CERS3: variants seen among roughly 807,000 people sequenced by gnomAD.
CERS3 encodes ceramide synthase 3.
In CERS3, 33 loss-of-function variants were observed where a neutral mutation model predicts 50.3. The ratio of observed to expected loss-of-function variants is 0.66; its 90% CI spans 0.50 to 0.88. CERS3 has a LOEUF of 0.88. Ranked by LOEUF, CERS3 falls within the 40% of genes least tolerant of loss-of-function variation. The pLI is 0.00. For missense variants in CERS3, 470 were observed against 460.3 expected, an observed-to-expected ratio of 1.02 and a Z score of -0.19; for synonymous variants, 176 against 155.2, an observed-to-expected ratio of 1.13 and a Z score of -0.99.
chr15:100,537,423 C>A (rs1158972163), intron 1 of CERS3, among the ~76,000 whole-genome samples: 1 of 152,194 alleles, frequency 6.6e-6, no homozygotes, highest in African/African-American at 2.4e-5. Context: ...CTATAAAGAA[C>A]TGCTTGAGAC....
chr15:100,488,908 C>G (rs1448824814), intron 4 of CERS3, among the ~76,000 whole-genome samples: 1 of 152,018 alleles, frequency 6.6e-6, no homozygotes, highest in Non-Finnish European at 1.5e-5. Flanking sequence ...TCCCAAGTAG[C>G]TGGGATTACA....
At chr15:100,444,505 G>C (rs1025163085) in intron 11 of CERS3, among the ~76,000 whole-genome samples, 49 of 151,070 alleles carry the variant, frequency 3.2e-4, no homozygotes, top group Non-Finnish European at 4.9e-4. Flanking sequence ...TCCACCAGGC[G>C]TAATCGCCAC....
At chr15:100,428,935 C>G (rs2654608) in intron 11 of CERS3, among the ~76,000 whole-genome samples, 7 of 152,052 alleles carry the variant, frequency 4.6e-5, no homozygotes, top group Non-Finnish European at 1.0e-4. Flanking sequence ...TGGAATAAAC[C>G]TTTCAAGAAG....
chr15:100,435,611 G>A (rs2654601), intron 11 of CERS3, among the ~76,000 whole-genome samples: 61,458 of 151,980 alleles, frequency 0.4, 12,744 homozygotes, highest in East Asian at 0.54. Context: ...ACAAAAGCCA[G>A]AATTGACAAA....
chr15:100,410,453 C>A (rs2031394216), intron 11 of CERS3, among the ~76,000 whole-genome samples: 1 of 152,146 alleles, frequency 6.6e-6, no homozygotes, highest in Non-Finnish European at 1.5e-5. Context: ...AAACTGAAAA[C>A]CCTGAAATTA....
At chr15:100,426,731 C>T (rs2032835147) in intron 11 of CERS3, among the ~76,000 whole-genome samples, 1 of 152,196 alleles carries the variant, frequency 6.6e-6, no homozygotes, top group Admixed American at 6.5e-5. Flanking sequence ...AGGCTTCAAA[C>T]TCAAAAACTC....
chr15:100,518,361 A>G (rs1268218951), intron 2 of CERS3, among the ~76,000 whole-genome samples: 1 of 152,042 alleles, frequency 6.6e-6, no homozygotes, highest in Non-Finnish European at 1.5e-5. Flanking sequence ...GAGAGAGAGC[A>G]TGGCTCATAC....
chr15:100,503,916 A>G (rs966252873), intron 2 of CERS3: 4 of 363,922 alleles, frequency 1.1e-5, no homozygotes, highest in Non-Finnish European at 2.2e-5. Flanking sequence ...TGGGGAAGAA[A>G]GAAAACTCAA....
chr15:100,479,208 G>A (rs2142263957), intron 7 of CERS3, among the ~76,000 whole-genome samples: 1 of 151,924 alleles, frequency 6.6e-6, no homozygotes, highest in African/African-American at 2.4e-5. Context: ...ATAGTAAGAT[G>A]GTAGATTTAA....
intron 11 of CERS3, among the ~76,000 whole-genome samples, chr15:100,405,097 C>T (rs2030885658): frequency 6.6e-6 from 1 of 151,974 alleles, no homozygotes; most frequent in South Asian, 2.1e-4. Flanking sequence ...AACTGGAATT[C>T]ATCAAAATTA....
intron 11 of CERS3, among the ~76,000 whole-genome samples, chr15:100,417,236 G>A (rs796540074): frequency 2.0e-5 from 3 of 151,848 alleles, no homozygotes; most frequent in East Asian, 2.0e-4. Context: ...CACCGTGCGT[G>A]AGCCGAAGCA....
intron 11 of CERS3, among the ~76,000 whole-genome samples, chr15:100,436,768 A>G (rs990534797): frequency 6.6e-6 from 1 of 152,130 alleles, no homozygotes; most frequent in Non-Finnish European, 1.5e-5. Context: ...AAAAAAAGAG[A>G]TTGTTTTACT....
rs374683439 is a variant in CERS3, at chr15:100,494,071, T to A, written c.174-3140A>T. 5.9e-5 allele frequency among the ~76,000 whole-genome samples: 9 copies of A among 151,714 alleles called. No individual in the cohort carries two copies. In the East Asian group the frequency reaches 9.7e-4, roughly 16 times the overall value. On this transcript the variant is annotated intron_variant, in intron 3 of 11. Coordinates refer to ENST00000679737, the MANE Select transcript of CERS3 (RefSeq NM_001378789.1). Reference sequence around the variant, plus strand: ...ATTTTTTGTTTCTTTCCATGTCTCATAAGTTTTTGTTGAAAATTGGACATG... The same window carrying A: ...ATTTTTTGTTTCTTTCCATGTCTCAAAAGTTTTTGTTGAAAATTGGACATG...
At chr15:100,432,026 G>T (rs1289234592) in intron 11 of CERS3, among the ~76,000 whole-genome samples, 1 of 151,908 alleles carries the variant, frequency 6.6e-6, no homozygotes, top group Admixed American at 6.6e-5. Flanking sequence ...TTCATGAGCT[G>T]CCTTGTATAG....
chr15:100,482,196 A>T (rs2035324698), intron 5 of CERS3, among the ~76,000 whole-genome samples: 2 of 152,242 alleles, frequency 1.3e-5, no homozygotes, highest in South Asian at 2.1e-4. Flanking sequence ...GTTTCACCTA[A>T]GAGTAAAACT....
intron 11 of CERS3, among the ~76,000 whole-genome samples, chr15:100,405,131 A>G (rs972578554): frequency 1.3e-5 from 2 of 152,124 alleles, no homozygotes; most frequent in Non-Finnish European, 2.9e-5. Context: ...TAAGACAGAC[A>G]CTATTCAGAG....
intron 2 of CERS3, among the ~76,000 whole-genome samples, chr15:100,502,267 A>AAAAAAAAAAAAAAAG (rs2036033219): frequency 1.4e-3 from 155 of 109,244 alleles, no homozygotes; most frequent in Non-Finnish European, 1.9e-3. Flanking sequence ...AAAAAAAAAA[A>AAAAAAAAAAAAAAAG]AAAGAAAGAA....
intron 10 of CERS3, among the ~76,000 whole-genome samples, chr15:100,467,854 GATAGATAGATAGATAGATAGATAGA>G (rs1567640176): frequency 1.6e-3 from 53 of 33,098 alleles, no homozygotes; most frequent in Middle Eastern, 0.015. Flanking sequence ...TATATATATA[GATAGATAGATAGATAGATAGATAGA>G]TATAGATATA....
At chr15:100,413,206 A>G (rs7164184) in intron 11 of CERS3, among the ~76,000 whole-genome samples, 86,820 of 152,000 alleles carry the variant, frequency 0.57, 25,026 homozygotes, top group Non-Finnish European at 0.6. Context: ...ACAGCTTTAC[A>G]TTCACAGCTT....
Sources: gnomAD v4.1 joint callset for allele counts (sites outside exome capture counted in the v4.1 genomes callset) on GRCh38, gnomAD v4.1.1 for gene constraint, MANE v1.5 for transcripts, NCBI Gene and HGNC (gene_info 2026-07-23, HGNC 2026-07-21) for gene names.